The following PPP6R2 variants were observed in gnomAD, a reference collection of about 807,000 sequenced individuals.
PPP6R2 encodes protein phosphatase 6 regulatory subunit 2.
In PPP6R2, 62 loss-of-function variants were observed where a neutral mutation model predicts 100.2. The observed-to-expected ratio is 0.62, with a 90% CI of 0.50 to 0.76. PPP6R2 has a LOEUF of 0.76. PPP6R2 is among the 30% of genes least tolerant of loss of function. PPP6R2 has a pLI of 0.00. For synonymous variants in PPP6R2, 525 were observed against 514.7 expected (o/e 1.02, Z -0.27); for missense variants, 1,142 against 1,276.3 (o/e 0.89, Z 1.60).
intron 2 of PPP6R2, among the ~76,000 whole-genome samples, chr22:50,386,674 T>C (rs1414128407): frequency 2.6e-5 from 4 of 152,104 alleles, no homozygotes; most frequent in African/African-American, 4.8e-5. Flanking sequence ...GAAGGGTCTT[T>C]ATGGTTTTTG....
intron 2 of PPP6R2, among the ~76,000 whole-genome samples, chr22:50,380,605 C>G (rs1053399016): frequency 6.6e-6 from 1 of 151,502 alleles, no homozygotes; most frequent in Non-Finnish European, 1.5e-5. Context: ...GTGATCCAAC[C>G]ACTTTTGCCT....
In PPP6R2 at chr22:50,351,026, G is replaced by GGTTTTTTTTTTTTTTTTTTT. The variant is rs1386357403; in HGVS notation, c.-148+7476_-148+7477insGTTTTTTTTTTTTTTTTTTT. ...TTTCTGAGCAGTAGGTCTCAACAGTGTTTTTTTTTTTTTTTTTTTTTTTTT... is the reference window on the plus strand; with the variant it reads ...TTTCTGAGCAGTAGGTCTCAACAGTGGTTTTTTTTTTTTTTTTTTTTTTTTTTTTTTTTTTTTTTTTTTTT... On this transcript the variant is annotated intron_variant, in intron 1 of 23. Transcript: ENST00000612753. Among the ~76,000 whole-genome samples, 3 of 80,748 alleles carry GGTTTTTTTTTTTTTTTTTTT rather than the reference G, an allele frequency of 3.7e-5. 1 individual carries two copies. The highest frequency in any genetic ancestry group is 1.5e-4 in the African/African-American group (3 of 19,518). 53.0% of individuals were successfully genotyped at this position (80,748 alleles called of 152,430 possible).
In PPP6R2 at chr22:50,437,953, G is replaced by T. The variant is rs11703952; in HGVS notation, c.1839+53G>T. ...CGCCACCCTTTTCCCAGGCAGCTCA[G>T]GCCATGCCCATGGCTCGGTCTGTCA... On this transcript the variant is annotated intron_variant, in intron 17 of 23. Transcript: ENST00000612753. 7 of 1,565,598 alleles carry T rather than the reference G, an allele frequency of 4.5e-6. No homozygotes were observed. In the African/African-American group the frequency reaches 9.5e-5, roughly 21 times the overall value.
intron 1 of PPP6R2, among the ~76,000 whole-genome samples, chr22:50,346,943 TGTCA>T (rs2043911601): frequency 6.6e-6 from 1 of 151,384 alleles, no homozygotes; most frequent in Admixed American, 6.6e-5. Flanking sequence ...TGCCCTTCCT[TGTCA>T]GTCCAAGCGC....
chr22:50,348,272 C>T (rs2044218858), intron 1 of PPP6R2, among the ~76,000 whole-genome samples: 1 of 152,120 alleles, frequency 6.6e-6, no homozygotes, highest in African/African-American at 2.4e-5. Flanking sequence ...GTGCCATGAT[C>T]ATATGGACAT....
intron 1 of PPP6R2, among the ~76,000 whole-genome samples, chr22:50,356,223 C>G (rs1192738932): frequency 6.6e-6 from 1 of 151,462 alleles, no homozygotes; most frequent in East Asian, 1.9e-4. Flanking sequence ...CTCGGCCTCC[C>G]AAAATGCTGG....
chr22:50,332,251 G>A, the PPP6R2 span, among the ~76,000 whole-genome samples: 1 of 145,624 alleles, frequency 6.9e-6, no homozygotes, highest in African/African-American at 2.6e-5. Context: ...TTTTTGAGAT[G>A]GAGTCTTGCT....
intron 3 of PPP6R2, 58 bp downstream of exon 3, chr22:50,394,193 G>C: frequency 2.5e-6 from 4 of 1,595,832 alleles, no homozygotes; most frequent in Non-Finnish European, 2.6e-6. Context: ...GCAGGCCGCA[G>C]GCAGTGTCTG....
At chr22:50,352,437 CT>C (rs957338731) in intron 1 of PPP6R2, among the ~76,000 whole-genome samples, 4 of 152,088 alleles carry the variant, frequency 2.6e-5, no homozygotes, top group Non-Finnish European at 4.4e-5. Flanking sequence ...ACCATTAAAA[CT>C]TTCTGCAGGC....
At chr22:50,382,837 T>A (rs966174987) in intron 2 of PPP6R2, among the ~76,000 whole-genome samples, 22 of 134,014 alleles carry the variant, frequency 1.6e-4, no homozygotes, top group South Asian at 7.3e-4. Context: ...TACAAGCAAA[T>A]TTTTTTTTTT....
chr22:50,353,806 A>G (rs1338696272), intron 1 of PPP6R2, among the ~76,000 whole-genome samples: 1 of 147,488 alleles, frequency 6.8e-6, no homozygotes, highest in Non-Finnish European at 1.5e-5. Context: ...GTGTGACTCA[A>G]AAGCCTCTCC....
At chr22:50,342,901 C>T (rs1042746138), upstream of PPP6R2, among the ~76,000 whole-genome samples, 6 of 152,116 alleles carry the variant, frequency 3.9e-5, no homozygotes, top group Non-Finnish European at 8.8e-5. Flanking sequence ...CTCGGGGCGT[C>T]CACGCCCCGC....
intron 3 of PPP6R2, among the ~76,000 whole-genome samples, chr22:50,402,742 G>A (rs2058255486): frequency 6.6e-6 from 1 of 152,164 alleles, no homozygotes; most frequent in South Asian, 2.1e-4. Flanking sequence ...GTGTTTGACT[G>A]GAATTTCTAT....
Position 50,423,646 on chromosome 22 carries a change from C to T in PPP6R2, c.1125+32C>T, listed in dbSNP as rs1248771207. ...GGGCCCCTCAGCCAGCCCTGCATGT[C>T]TGTGAGTGTGCCGGGCATGGCCTGT... is the stretch of plus-strand genomic sequence containing the variant. On this transcript the variant is annotated intron_variant, in intron 10 of 23. Coordinates refer to ENST00000612753, the MANE Select transcript of PPP6R2 (RefSeq NM_001242898.2). This position sits in a 1 kb window ranked among gnomAD's most constrained non-coding sequence, Gnocchi z 4.8. The T allele has an allele frequency of 6.2e-7, 1 of 1,612,574 alleles. No individual in the cohort carries two copies.
the PPP6R2 span, among the ~76,000 whole-genome samples, chr22:50,334,538 C>A: frequency 6.6e-6 from 1 of 152,034 alleles, no homozygotes; most frequent in Non-Finnish European, 1.5e-5. Flanking sequence ...TATATGTTTC[C>A]TTTATTATAC....
chr22:50,379,743 G>T (rs565166871), intron 2 of PPP6R2, among the ~76,000 whole-genome samples: 2 of 152,154 alleles, frequency 1.3e-5, no homozygotes, highest in East Asian at 3.9e-4. Context: ...AGCTGGGCAT[G>T]GTGGCACATT....
intron 17 of PPP6R2, 41 bp downstream of exon 17, chr22:50,437,941 C>G (rs1388013418): frequency 6.4e-7 from 1 of 1,564,576 alleles, no homozygotes; most frequent in Non-Finnish European, 8.7e-7. Context: ...CACCCTTTTC[C>G]CAGGCAGCTC....
At chr22:50,347,519 T>C (rs924272346) in intron 1 of PPP6R2, among the ~76,000 whole-genome samples, 5 of 151,922 alleles carry the variant, frequency 3.3e-5, no homozygotes, top group Admixed American at 2.0e-4. Context: ...CCTTCCCCCA[T>C]GCACCGTACT....
chr22:50,424,630 CT>C (rs1483954681), intron 10 of PPP6R2, among the ~76,000 whole-genome samples: 1 of 101,302 alleles, frequency 9.9e-6, no homozygotes, highest in African/African-American at 3.8e-5. Flanking sequence ...TTTCCCTCTT[CT>C]TCTTTTTTTT....
Sources: allele counts gnomAD v4.1 joint callset (sites outside exome capture counted in the v4.1 genomes callset), GRCh38; gene constraint gnomAD v4.1.1; non-coding constraint Gnocchi (gnomAD v3.1); transcripts MANE v1.5; gene names NCBI Gene and HGNC (gene_info 2026-07-23, HGNC 2026-07-21).